Variants in WDR72 observed in about 807,000 individuals in gnomAD.
WDR72 encodes the protein WD repeat domain 72, also known as WD repeat-containing protein 72.
A neutral mutation model predicts 124.2 loss-of-function variants in WDR72; 120 were observed. That is an observed-to-expected ratio of 0.97 (90% CI 0.83 to 1.12). WDR72 has a LOEUF of 1.12. Among genes scored for constraint, WDR72 ranks in the 50% most tolerant of loss-of-function variants. The probability of loss-of-function intolerance (pLI) is 0.00; values close to 1 mark genes in which losing one functional copy is unlikely to be tolerated. For synonymous variants in WDR72, 452 were observed against 441.7 expected, an observed-to-expected ratio of 1.02 and a Z score of -0.29; for missense variants, 1,387 against 1,278.8, an observed-to-expected ratio of 1.08 and a Z score of -1.29.
intron 18 of WDR72, among the ~76,000 whole-genome samples, chr15:53,529,164 A>ATATATTTTT (rs59003623): frequency 2.6e-5 from 2 of 78,168 alleles, no homozygotes; most frequent in African/African-American, 1.0e-4. Context: ...ATATATATAT[A>ATATATTTTT]TTTTTTTTTT....
intron 3 of WDR72, 132 bp downstream of exon 3, chr15:53,722,670 C>T (rs546601048): frequency 1.3e-6 from 1 of 772,714 alleles, no homozygotes; most frequent in African/African-American, 1.7e-5. Context: ...CTTTCTATAT[C>T]TAAATGTTCC....
intron 13 of WDR72, among the ~76,000 whole-genome samples, chr15:53,696,698 A>G (rs1040717058): frequency 3.3e-5 from 5 of 152,258 alleles, no homozygotes; most frequent in African/African-American, 1.2e-4. Flanking sequence ...TGCAGTAAAC[A>G]TGATGGAAGC....
rs532054449 is a variant in WDR72 at position 53,596,999 on chromosome 15, A to G, written c.3148+80T>C. On this transcript the variant is annotated intron_variant, in intron 18 of 19. Transcript: ENST00000360509. ...ACCATGATATAATCGAAAATCGTTCAGTTGCACCACCATAAGTTGGAGACT... is the reference window on the plus strand; with the variant it reads ...ACCATGATATAATCGAAAATCGTTCGGTTGCACCACCATAAGTTGGAGACT... The G allele has an allele frequency of 7.5e-5, 103 of 1,366,818 alleles. 2 individuals carry two copies. In the South Asian group the frequency reaches 1.2e-3, roughly 16 times the overall value. The allele number at this position is 1,366,818 out of a possible 1,614,324, so 84.7% of individuals were successfully genotyped here.
chr15:53,617,818 G>A (rs927499627), intron 14 of WDR72, among the ~76,000 whole-genome samples: 5 of 151,836 alleles, frequency 3.3e-5, no homozygotes, highest in South Asian at 2.1e-4. Flanking sequence ...TTCCATCCCC[G>A]TTATTTTCAA....
At chr15:53,701,559 T>TCACACACA (rs58047374) in intron 12 of WDR72, among the ~76,000 whole-genome samples, 4 of 120,168 alleles carry the variant, frequency 3.3e-5, no homozygotes, top group African/African-American at 5.8e-5. Context: ...TCTCTCTCTC[T>TCACACACA]CACACACACA....
At chr15:53,630,451 C>A (rs1031587927) in intron 14 of WDR72, among the ~76,000 whole-genome samples, 1 of 152,078 alleles carries the variant, frequency 6.6e-6, no homozygotes, top group African/African-American at 2.4e-5. Flanking sequence ...ACTATAGACA[C>A]AAAAATCCTC....
At chr15:53,747,110 C>G (rs1054596971) in intron 1 of WDR72, among the ~76,000 whole-genome samples, 2 of 152,182 alleles carry the variant, frequency 1.3e-5, no homozygotes, top group African/African-American at 4.8e-5. Context: ...TAGGGCCTGA[C>G]TTCAGTCCAT....
chr15:53,659,914 C>A (rs951657103), intron 14 of WDR72, among the ~76,000 whole-genome samples: 1 of 152,040 alleles, frequency 6.6e-6, no homozygotes, highest in Non-Finnish European at 1.5e-5. Context: ...TTAGGTACTA[C>A]AGTTTTAAGT....
rs756559470 is a variant in WDR72 at position 53,714,419 on chromosome 15, G to C, written c.591+15C>G. 4 of 1,609,544 alleles carry C rather than the reference G, an allele frequency of 2.5e-6. No homozygotes were observed. Among genetic ancestry groups the C allele is most frequent in the Non-Finnish European group, 3.4e-6 (4 of 1,176,178 alleles). On this transcript the variant is annotated intron_variant, in intron 6 of 19. Coordinates refer to ENST00000360509, the MANE Select transcript of WDR72 (RefSeq NM_182758.4). The stretch of plus-strand genomic sequence containing the variant: ...TGAAATTGTAAGGAAAAAAGAGTAG[G>C]GTTCCCAAGCCAACCTGAATGCTGT...
intron 1 of WDR72, among the ~76,000 whole-genome samples, chr15:53,751,892 AAAT>A (rs2018783675): frequency 1.3e-5 from 2 of 152,296 alleles, no homozygotes; most frequent in Non-Finnish European, 1.5e-5. Flanking sequence ...AAATGAGGAT[AAAT>A]AATAATATCA....
chr15:53,697,364 G>A (rs1404443192), intron 13 of WDR72, among the ~76,000 whole-genome samples: 2 of 152,110 alleles, frequency 1.3e-5, no homozygotes, highest in Non-Finnish European at 2.9e-5. Context: ...TTAAATTAAT[G>A]GAGGTGACTG....
At position 53,515,037 on chromosome 15, in the gene WDR72, ATGTG is replaced by A. The variant is rs1346404001; in HGVS notation, c.*2658_*2661del. The A allele has an allele frequency of 1.4e-5, 2 of 146,960 alleles. No homozygotes were observed. Among genetic ancestry groups the A allele is most frequent in the Admixed American group, 6.8e-5 (1 of 14,604 alleles). The allele number at this position is 146,960 out of a possible 1,614,324, so 9.1% of individuals were successfully genotyped here. A position where few individuals can be genotyped will look rare whatever the true frequency, so the allele number is the denominator to read the frequency against. The stretch of plus-strand genomic sequence containing the variant: ...TATATATATATATACACACATATAT[ATGTG>A]TATATATATGTGTGTATATATATAC... On this transcript the variant is annotated 3_prime_UTR_variant, in exon 20 of 20. Transcript: ENST00000360509.
At chr15:53,718,774 T>A (rs1196433724) in intron 3 of WDR72, among the ~76,000 whole-genome samples, 2 of 84,754 alleles carry the variant, frequency 2.4e-5, no homozygotes, top group Non-Finnish European at 7.7e-5. Flanking sequence ...TTTTAAGAAT[T>A]TTAAAAATCT....
At chr15:53,559,181 G>A (rs1173558881) in intron 18 of WDR72, among the ~76,000 whole-genome samples, 1 of 151,250 alleles carries the variant, frequency 6.6e-6, no homozygotes, top group Non-Finnish European at 1.5e-5. Flanking sequence ...TTCATTTTAG[G>A]ATTGGGAAAC....
At chr15:53,565,611 C>T (rs957084352) in intron 18 of WDR72, among the ~76,000 whole-genome samples, 1 of 151,942 alleles carries the variant, frequency 6.6e-6, no homozygotes, top group Admixed American at 6.6e-5. Flanking sequence ...TTTGTAAACA[C>T]TGCATGGTAC....
intron 18 of WDR72, among the ~76,000 whole-genome samples, chr15:53,593,195 A>C (rs1011631692): frequency 6.6e-6 from 1 of 152,078 alleles, no homozygotes; most frequent in African/African-American, 2.4e-5. Context: ...AATATTCTGC[A>C]TTTCCTTTAG....
Position 53,615,890 on chromosome 15 carries a change from C to A in WDR72, c.2316G>T (p.Met772Ile), listed in dbSNP as rs2013743162. 2 of 1,613,376 alleles carry A rather than the reference C, an allele frequency of 1.2e-6. No individual in the cohort carries two copies. Among genetic ancestry groups the A allele is most frequent in the African/African-American group, 2.7e-5 (2 of 74,852 alleles). ...ENDGIKRQKK[M>I]KISKKMQPKP... ...TAGGCTGCATTTTTTTGGAGATCTTCATTTTCTTCTGCCTTTTAATGCCAT... is the reference window on the plus strand; with the variant it reads ...TAGGCTGCATTTTTTTGGAGATCTTAATTTTCTTCTGCCTTTTAATGCCAT... The change falls in exon 15 of 20, where the codon ATG becomes ATT. Residue 772 changes from methionine to isoleucine, a missense_variant. By Grantham distance (10) the Met-to-Ile change is conservative (BLOSUM62 1). Coordinates refer to ENST00000360509, the MANE Select transcript of WDR72 (RefSeq NM_182758.4).
intron 13 of WDR72, among the ~76,000 whole-genome samples, chr15:53,697,475 C>A (rs1333149875): frequency 3.9e-5 from 6 of 152,172 alleles, no homozygotes; most frequent in African/African-American, 1.4e-4. Context: ...GGTGACCATT[C>A]CTCCTGAGCT....
At chr15:53,686,510 AC>A in intron 13 of WDR72, among the ~76,000 whole-genome samples, 1 of 151,998 alleles carries the variant, frequency 6.6e-6, no homozygotes, top group Non-Finnish European at 1.5e-5. Flanking sequence ...AGAAGAGCTA[AC>A]TATCCTAAAT....
Sources: allele counts gnomAD v4.1 joint callset (sites outside exome capture counted in the v4.1 genomes callset), GRCh38; gene constraint gnomAD v4.1.1; transcripts MANE v1.5; gene names NCBI Gene and HGNC (gene_info 2026-07-23, HGNC 2026-07-21).